Variants in KIAA0319L observed in about 807,000 individuals in gnomAD.
KIAA0319L encodes the protein dyslexia-associated protein KIAA0319-like protein.
KIAA0319L carries 55 observed loss-of-function variants against 120.1 expected under a neutral mutation model. The ratio of observed to expected loss-of-function variants is 0.46; its 90% CI spans 0.37 to 0.57. KIAA0319L has a LOEUF of 0.57. KIAA0319L is among the 20% of genes least tolerant of loss of function. The probability of loss-of-function intolerance (pLI) is 0.00; values close to 1 mark genes in which losing one functional copy is unlikely to be tolerated. For synonymous variants in KIAA0319L, 398 were observed against 471.9 expected (o/e 0.84, Z 2.03); for missense variants, 1,049 against 1,255.3 (o/e 0.84, Z 2.48).
chr1:35,474,859 G>A lies in KIAA0319L; in HGVS notation c.961C>T (p.Leu321=). 2 of 1,611,440 alleles carry A rather than the reference G, an allele frequency of 1.2e-6. No homozygotes were observed. The highest frequency in any genetic ancestry group is 1.7e-6 in the Non-Finnish European group (2 of 1,177,858). Residue 321 remains leucine (L), a synonymous_variant, in exon 5 of 21, where the codon CTG becomes TTG. Transcript: ENST00000325722. Reference sequence around the variant, plus strand: ...TTTAATTGAACTTCATTCTTAGGCAGGGTTATCTGGACACTCTCTCCAGCA... The same window carrying A: ...TTTAATTGAACTTCATTCTTAGGCAAGGTTATCTGGACACTCTCTCCAGCA... The part of the protein sequence containing the change: ...VSAGESVQIT[L]PKNEVQLNAY...
intron 9 of KIAA0319L, among the ~76,000 whole-genome samples, chr1:35,458,423 AAG>A (rs1177872706): frequency 6.6e-6 from 1 of 152,194 alleles, no homozygotes; most frequent in African/African-American, 2.4e-5. Context: ...TGCCATGTAA[AAG>A]AGAGAGGAAA....
intron 2 of KIAA0319L, among the ~76,000 whole-genome samples, chr1:35,546,901 AAC>A (rs1378581774): frequency 1.3e-5 from 2 of 151,660 alleles, no homozygotes; most frequent in East Asian, 1.9e-4. Flanking sequence ...TGCTATAGAA[AAC>A]AGTTTCTCAA....
intron 2 of KIAA0319L, among the ~76,000 whole-genome samples, chr1:35,528,195 CTCT>C (rs1646228206): frequency 6.6e-6 from 1 of 152,200 alleles, no homozygotes. Context: ...TCAAGAGATC[CTCT>C]TGTCTCAGCC....
rs891504135 is a variant in KIAA0319L at position 35,490,014 on chromosome 1, G to A, written c.667-10802C>T. Reference sequence around the variant, plus strand: ...CTCACTCTATCACCCAGGCTGGAGTGCCATGACGCGATCTTGGCTCACTGC... The same window carrying A: ...CTCACTCTATCACCCAGGCTGGAGTACCATGACGCGATCTTGGCTCACTGC... On this transcript the variant is annotated intron_variant, in intron 3 of 20. Transcript: ENST00000325722. 2.0e-5 allele frequency among the ~76,000 whole-genome samples: 3 copies of A among 152,136 alleles called. No homozygotes were observed. In the East Asian group the frequency reaches 5.8e-4, roughly 29 times the overall value.
rs1414704674 is a variant in KIAA0319L, at chr1:35,513,288, A to ATATATTTTT, written c.143-6154_143-6153insAAAAATATA. Among the ~76,000 whole-genome samples, 8 of 85,296 alleles carry ATATATTTTT rather than the reference A, an allele frequency of 9.4e-5. No homozygotes were observed. In the South Asian group the frequency reaches 1.7e-3, roughly 19 times the overall value. 56.0% of individuals were successfully genotyped at this position (85,296 alleles called of 152,430 possible). On this transcript the variant is annotated intron_variant, in intron 2 of 20. Coordinates refer to ENST00000325722, the MANE Select transcript of KIAA0319L (RefSeq NM_024874.5). ...ATAACATATATATATATATATATAT[A>ATATATTTTT]TTTTTTTTTTTTTTTTTTTCTGTCC...
chr1:35,543,470 T>C lies in KIAA0319L; in HGVS notation c.142+10880A>G, dbSNP rs1177083316. Among the ~76,000 whole-genome samples the C allele has an allele frequency of 2.6e-5, 4 of 152,186 alleles. No individual in the cohort carries two copies. In the East Asian group the frequency reaches 5.8e-4, roughly 22 times the overall value. ...TCAATTTGGGTGCCCAACAGATACA[T>C]GAAGAGCAGAGATATAATGCCACCT... On this transcript the variant is annotated intron_variant, in intron 2 of 20. Transcript: ENST00000325722.
intron 20 of KIAA0319L, chr1:35,440,832 G>A (rs777390125): frequency 1.9e-5 from 11 of 564,842 alleles, no homozygotes; most frequent in South Asian, 4.6e-5. Context: ...CAGCACCCCC[G>A]CCAAGCGGAA....
At chr1:35,546,979 A>T (rs986589191) in intron 2 of KIAA0319L, among the ~76,000 whole-genome samples, 6 of 148,288 alleles carry the variant, frequency 4.0e-5, no homozygotes, top group East Asian at 2.0e-4. Context: ...TATATATATA[A>T]AAGTGAAATT....
At chr1:35,435,296 A>G in intron 20 of KIAA0319L, 1 of 536,830 alleles carries the variant, frequency 1.9e-6, no homozygotes, top group Non-Finnish European at 3.3e-6. Context: ...AGTACGGATG[A>G]GAGCACACCT....
chr1:35,436,353 G>A (rs1010432782), intron 20 of KIAA0319L, among the ~76,000 whole-genome samples: 4 of 152,194 alleles, frequency 2.6e-5, no homozygotes, highest in African/African-American at 4.8e-5. Context: ...TTCCTCACCC[G>A]CGTTGGTGTC....
chr1:35,506,455 A>G lies in KIAA0319L; in HGVS notation c.666+157T>C, dbSNP rs1270178453. ...TCTAGGGTCAAATTACCCTTTGTACATCTGGGCAGCACCAAAGAAGCTGAC... is the reference window on the plus strand; with the variant it reads ...TCTAGGGTCAAATTACCCTTTGTACGTCTGGGCAGCACCAAAGAAGCTGAC... On this transcript the variant is annotated intron_variant, in intron 3 of 20. Coordinates refer to ENST00000325722, the MANE Select transcript of KIAA0319L (RefSeq NM_024874.5). This position sits in a 1 kb window ranked among gnomAD's most constrained non-coding sequence, Gnocchi z 4.0. Among the ~76,000 whole-genome samples the G allele has an allele frequency of 6.6e-6, 1 of 152,238 alleles. No individual in the cohort carries two copies. The highest frequency in any genetic ancestry group is 2.4e-5 in the African/African-American group (1 of 41,464).
At position 35,516,179 on chromosome 1, in the gene KIAA0319L, A is replaced by G. The variant is rs1207409553; in HGVS notation, c.143-9044T>C. 2.0e-5 allele frequency among the ~76,000 whole-genome samples: 3 copies of G among 152,146 alleles called. No homozygotes were observed. In the East Asian group the frequency reaches 5.8e-4, roughly 29 times the overall value. On this transcript the variant is annotated intron_variant, in intron 2 of 20. Coordinates refer to ENST00000325722, the MANE Select transcript of KIAA0319L (RefSeq NM_024874.5). ...TATTCCAAAAAATTGAAGAGGAGGAACTTCTCCCCAACTCAATCCATGAGG... is the reference window on the plus strand; with the variant it reads ...TATTCCAAAAAATTGAAGAGGAGGAGCTTCTCCCCAACTCAATCCATGAGG...
At chr1:35,454,633 A>C in intron 10 of KIAA0319L, 148 bp from the exon 11 acceptor site, 1 of 1,422,736 alleles carries the variant, frequency 7.0e-7, no homozygotes, top group South Asian at 1.5e-5. Context: ...ATGTGAGTGA[A>C]TATGGAGTCA....
At chr1:35,512,094 AC>A (rs1197602620) in intron 2 of KIAA0319L, among the ~76,000 whole-genome samples, 1 of 151,774 alleles carries the variant, frequency 6.6e-6, no homozygotes, top group African/African-American at 2.4e-5. Flanking sequence ...ACATGGCAAA[AC>A]CCCGTCACTA....
intron 2 of KIAA0319L, among the ~76,000 whole-genome samples, chr1:35,526,386 T>TAC (rs1229727684): frequency 1.7e-5 from 2 of 118,238 alleles, no homozygotes; most frequent in Non-Finnish European, 3.2e-5. Context: ...TATATATACA[T>TAC]ACATATATAT....
rs747238907 is a variant in KIAA0319L at position 35,451,741 on chromosome 1, C to T, written c.1949G>A (p.Ser650Asn). 4.3e-6 allele frequency: 7 copies of T among 1,613,996 alleles called. No individual in the cohort carries two copies. The African/African-American group carries it at 5.3e-5, about 12-fold the overall frequency. ...PDGVQLENAN[S>N]SVATVTGLQV... is the part of the protein sequence containing the mutation. ...CAGCCCAGTCACAGTAGCAACACTG[C>T]TGTTAGCATTCTCGAGCTGCACCCC... Residue 650 changes from serine to asparagine, a missense_variant, in exon 13 of 21, where the codon AGC (serine) becomes AAC (asparagine). Coordinates refer to ENST00000325722, the MANE Select transcript of KIAA0319L (RefSeq NM_024874.5).
chr1:35,515,947 C>G (rs957918075), intron 2 of KIAA0319L, among the ~76,000 whole-genome samples: 1 of 152,040 alleles, frequency 6.6e-6, no homozygotes, highest in Non-Finnish European at 1.5e-5. Flanking sequence ...ACTAGAAAAC[C>G]TGGAAGAGAT....
chr1:35,494,990 C>T (rs1317464940), intron 3 of KIAA0319L, among the ~76,000 whole-genome samples: 1 of 152,180 alleles, frequency 6.6e-6, no homozygotes, highest in Admixed American at 6.5e-5. Context: ...CCTAAAACAA[C>T]TGGATATTCA....
At chr1:35,538,782 T>C (rs1043354317) in intron 2 of KIAA0319L, among the ~76,000 whole-genome samples, 5 of 152,074 alleles carry the variant, frequency 3.3e-5, no homozygotes, top group African/African-American at 9.7e-5. Context: ...CATGTGGCTT[T>C]TAATAGACTT....
Sources: allele counts gnomAD v4.1 joint callset (sites outside exome capture counted in the v4.1 genomes callset), GRCh38; gene constraint gnomAD v4.1.1; non-coding constraint Gnocchi (gnomAD v3.1); transcripts MANE v1.5; gene names NCBI Gene and HGNC (gene_info 2026-07-23, HGNC 2026-07-21).